The following HAGH variants were observed in gnomAD, a reference collection of about 807,000 sequenced individuals.
HAGH encodes the protein hydroxyacylglutathione hydrolase, mitochondrial.
Under a neutral mutation model 35.1 loss-of-function variants are expected in HAGH, and 29 were observed. That is an observed-to-expected ratio of 0.83 (90% CI 0.62 to 1.13). The LOEUF (loss-of-function observed/expected upper bound fraction) is 1.13. Ranked by LOEUF, HAGH falls within the 50% of genes most tolerant of loss-of-function variation. The pLI is 0.00. For missense variants in HAGH, 478 were observed against 419.6 expected, an observed-to-expected ratio of 1.14 and a Z score of -1.22; for synonymous variants, 225 against 176.1, an observed-to-expected ratio of 1.28 and a Z score of -2.20.
chr16:1,809,722 G>A, intron 8 of HAGH, 32 bp downstream of exon 8: 2 of 1,474,254 alleles, frequency 1.4e-6, no homozygotes, highest in Non-Finnish European at 1.9e-6. Flanking sequence ...AGAGGGGAGG[G>A]GCCCGCGCCC....
chr16:1,811,254 A>G (rs1897635055), intron 7 of HAGH, among the ~76,000 whole-genome samples: 1 of 152,058 alleles, frequency 6.6e-6, no homozygotes, highest in African/African-American at 2.4e-5. Context: ...TCTCTACTAA[A>G]ATAGAAAAAA....
chr16:1,813,551 C>T (rs752253557), intron 7 of HAGH, among the ~76,000 whole-genome samples: 1 of 152,134 alleles, frequency 6.6e-6, no homozygotes, highest in African/African-American at 2.4e-5. Flanking sequence ...ACCTTGAACA[C>T]GCAAATTTCA....
At chr16:1,816,456 C>T (rs1051340155) in intron 7 of HAGH, among the ~76,000 whole-genome samples, 9 of 152,128 alleles carry the variant, frequency 5.9e-5, no homozygotes, top group African/African-American at 2.2e-4. Flanking sequence ...CCAGTGAATT[C>T]GGGGAAACAC....
In HAGH at chr16:1,822,340, C is replaced by A. The variant is rs371060768; in HGVS notation, c.274G>T (p.Gly92Trp). Residue 92 changes from glycine (G) to tryptophan (W), a missense_variant, in exon 3 of 9, where the codon GGG becomes TGG. Transcript: ENST00000397356. ...GTGAGCACTGTGGTCAGTTTCACCCCGTGCTTTCTCGCCGCGTCCACGACC... is the reference window on the plus strand; with the variant it reads ...GTGAGCACTGTGGTCAGTTTCACCCAGTGCTTTCTCGCCGCGTCCACGACC... ...QKVVDAARKH[G>W]VKLTTVLTTH... is the part of the protein sequence containing the mutation. 4 of 1,611,686 alleles carry A rather than the reference C, an allele frequency of 2.5e-6. No homozygotes were observed. Among genetic ancestry groups the A allele is most frequent in the Middle Eastern group, 3.3e-4 (2 of 6,072 alleles).
chr16:1,815,258 G>C (rs56237812), intron 7 of HAGH, among the ~76,000 whole-genome samples: 7,999 of 152,232 alleles, frequency 0.053, 243 homozygotes, highest in East Asian at 0.12. Context: ...GGGGACTGTA[G>C]AACAGTACAA....
chr16:1,812,123 G>A (rs1355440451), intron 7 of HAGH, among the ~76,000 whole-genome samples: 1 of 150,658 alleles, frequency 6.6e-6, no homozygotes. Context: ...CCAGGAGGCG[G>A]AGGTTGCAGT....
intron 7 of HAGH, among the ~76,000 whole-genome samples, chr16:1,815,162 C>T (rs1415760408): frequency 2.0e-5 from 3 of 152,044 alleles, no homozygotes; most frequent in African/African-American, 7.2e-5. Flanking sequence ...CCACCACAGG[C>T]AAGTTAGAAT....
chr16:1,822,403 T>A, intron 2 of HAGH, 39 bp from the exon 3 acceptor site: 11 of 1,496,420 alleles, frequency 7.4e-6, no homozygotes, highest in Non-Finnish European at 1.0e-5. Flanking sequence ...CCTGTCACAC[T>A]CCTAGGCCTG....
In HAGH at chr16:1,816,973, A is replaced by C. The variant is rs1596923590; in HGVS notation, c.667T>G (p.Tyr223Asp). The stretch of plus-strand genomic sequence containing the variant: ...GCAAACTTGAGGTTGTTGATGGTGT[A>C]CTCGTGGCCACAGTAGACTCTCTGA... Reference protein sequence around the residue: ...PDTRVYCGHEYTINNLKFARH... With the variant: ...PDTRVYCGHEDTINNLKFARH... Residue 223 changes from tyrosine (Y) to aspartate (D), a missense_variant, in exon 7 of 9, where the codon TAC (tyrosine) becomes GAC (aspartate). By Grantham distance (160) the Tyr-to-Asp change is radical (BLOSUM62 -3). Coordinates refer to ENST00000397356, the MANE Select transcript of HAGH (RefSeq NM_005326.6). 6.2e-7 allele frequency: 1 copy of C among 1,612,376 alleles called. No homozygotes were observed. The highest frequency in any genetic ancestry group is 8.5e-7 in the Non-Finnish European group (1 of 1,178,472).
chr16:1,814,952 CACACAT>C (rs955137458), intron 7 of HAGH, among the ~76,000 whole-genome samples: 3 of 124,654 alleles, frequency 2.4e-5, no homozygotes, highest in Admixed American at 2.2e-4. Flanking sequence ...CACACACACA[CACACAT>C]ATATATATAT....
chr16:1,813,544 T>G (rs1450703390), intron 7 of HAGH, among the ~76,000 whole-genome samples: 1 of 152,164 alleles, frequency 6.6e-6, no homozygotes, highest in African/African-American at 2.4e-5. Flanking sequence ...GTGCAAGACC[T>G]TGAACACGCA....
chr16:1,825,536 G>T (rs1898361933), intron 1 of HAGH, among the ~76,000 whole-genome samples: 1 of 152,094 alleles, frequency 6.6e-6, no homozygotes, highest in Admixed American at 6.6e-5. Flanking sequence ...TGCAGCCTGG[G>T]GCCTGGACCA....
Position 1,808,324 on chromosome 16 carries a change from A to T in HAGH, c.*959T>A, listed in dbSNP as rs969305617. ...TTTCATATTTTTTTTTTTTTGAGAC[A>T]GAGTCTTGCTCTGTCTCCCAGGCTG... On this transcript the variant is annotated 3_prime_UTR_variant, in exon 9 of 9. Transcript: ENST00000397356. 10 of 150,932 alleles carry T rather than the reference A, an allele frequency of 6.6e-5. No individual in the cohort carries two copies. Among genetic ancestry groups the T allele is most frequent in the African/African-American group, 2.4e-4 (10 of 40,994 alleles). The allele number at this position is 150,932 out of a possible 1,614,324, so 9.3% of individuals were successfully genotyped here. A position where few individuals can be genotyped will look rare whatever the true frequency, so the allele number is the denominator to read the frequency against.
intron 4 of HAGH, among the ~76,000 whole-genome samples, chr16:1,819,502 G>C (rs1898050742): frequency 1.3e-5 from 2 of 152,238 alleles, no homozygotes; most frequent in Non-Finnish European, 2.9e-5. Flanking sequence ...GTCTGGCTAG[G>C]AAAGACGGCT....
upstream of HAGH, chr16:1,826,849 C>A: frequency 3.8e-6 from 4 of 1,065,774 alleles, no homozygotes; most frequent in South Asian, 7.0e-5. Context: ...GTCGGCGCGT[C>A]GCAGCCAATC....
chr16:1,820,788 T>C (rs571367470), intron 3 of HAGH, among the ~76,000 whole-genome samples: 4 of 152,254 alleles, frequency 2.6e-5, no homozygotes, highest in African/African-American at 9.6e-5. Context: ...GGTGGAGTGG[T>C]GGCCGCTGCC....
In HAGH at chr16:1,822,877, C is replaced by T. The variant is rs1430527189; in HGVS notation, c.237G>A (p.Val79=). The T allele has an allele frequency of 8.1e-6, 13 of 1,613,496 alleles. No homozygotes were observed. The highest frequency in any genetic ancestry group is 1.0e-5 in the Non-Finnish European group (12 of 1,179,892). The change falls in exon 2 of 9, where the codon GTG becomes GTA. Residue 79 remains valine (V), a synonymous_variant. Transcript: ENST00000397356. ...ETKEAAIVDP[V]QPQKVVDAAR... Reference sequence around the variant, plus strand: ...CAGCCATGCGCACCTTCTGGGGCTGCACCGGATCCACAATGGCAGCCTCCT... The same window carrying T: ...CAGCCATGCGCACCTTCTGGGGCTGTACCGGATCCACAATGGCAGCCTCCT...
rs760212055 is a variant in HAGH, at chr16:1,819,938, C to G, written c.391G>C (p.Gly131Arg). 1 of 1,613,080 alleles carries G rather than the reference C, an allele frequency of 6.2e-7. No individual in the cohort carries two copies. Among genetic ancestry groups the G allele is most frequent in the South Asian group, 1.1e-5 (1 of 91,048 alleles). ...TGAGTGATCTTGTGAGTCAGGGCCC[C>G]GATACGGTCGTCACCCCCGTACACC... Reference protein sequence around the residue: ...LKVYGGDDRIGALTHKITHLS... With the variant: ...LKVYGGDDRIRALTHKITHLS... Residue 131 changes from glycine to arginine, a missense_variant, in exon 4 of 9, where the codon GGG (glycine) becomes CGG (arginine). Coordinates refer to ENST00000397356, the MANE Select transcript of HAGH (RefSeq NM_005326.6).
Position 1,807,768 on chromosome 16 carries a change from G to C in HAGH, c.*1515C>G, listed in dbSNP as rs1897473691. 1.3e-5 allele frequency: 2 copies of C among 152,296 alleles called. No homozygotes were observed. Among genetic ancestry groups the C allele is most frequent in the Admixed American group, 1.3e-4 (2 of 15,278 alleles). The allele number at this position is 152,296 out of a possible 1,614,324, so 9.4% of individuals were successfully genotyped here. On this transcript the variant is annotated 3_prime_UTR_variant, in exon 9 of 9. Transcript: ENST00000397356. ...CTGCCCTGCCTCCTCACACACGCCTGGCTTCCGTGGCATCCCAGAGGGGTC... is the reference window on the plus strand; with the variant it reads ...CTGCCCTGCCTCCTCACACACGCCTCGCTTCCGTGGCATCCCAGAGGGGTC...
Sources: allele counts gnomAD v4.1 joint callset (sites outside exome capture counted in the v4.1 genomes callset), GRCh38; gene constraint gnomAD v4.1.1; transcripts MANE v1.5; gene names NCBI Gene and HGNC (gene_info 2026-07-23, HGNC 2026-07-21).